CD59: variants seen among roughly 807,000 people sequenced by gnomAD.
The protein encoded by CD59 is CD59 glycoprotein.
In CD59, 3 loss-of-function variants were observed where a neutral mutation model predicts 7.0. The observed-to-expected ratio is 0.43, with a 90% CI of 0.19 to 1.10. The LOEUF (loss-of-function observed/expected upper bound fraction) is 1.10. Ranked by LOEUF, CD59 falls within the 50% of genes least tolerant of loss-of-function variation. The pLI is 0.29. For missense variants in CD59, 143 were observed against 151.0 expected, an observed-to-expected ratio of 0.95 and a Z score of 0.28; for synonymous variants, 60 against 62.0, an observed-to-expected ratio of 0.97 and a Z score of 0.15.
At chr11:33,732,434 T>C (rs577293345) in intron 1 of CD59, among the ~76,000 whole-genome samples, 4 of 152,184 alleles carry the variant, frequency 2.6e-5, no homozygotes, top group African/African-American at 9.6e-5. Flanking sequence ...TGCTTCCCCT[T>C]CTCCACCATG....
At chr11:33,719,928 GAA>G (rs1269860849) in intron 2 of CD59, among the ~76,000 whole-genome samples, 1 of 152,232 alleles carries the variant, frequency 6.6e-6, no homozygotes, top group East Asian at 1.9e-4. Context: ...CGCATGAAAT[GAA>G]AAGAGTCTAA....
chr11:33,705,048 A>G lies in CD59; in HGVS notation c.*5078T>C, dbSNP rs1853254919. On this transcript the variant is annotated 3_prime_UTR_variant, in exon 4 of 4. Coordinates refer to ENST00000642928, the MANE Select transcript of CD59 (RefSeq NM_000611.6). ...ATGTGGTCCTATGTACTTGCAGAGTAAGAATTTAAAAAAATAAACCTGAGA... is the reference window on the plus strand; with the variant it reads ...ATGTGGTCCTATGTACTTGCAGAGTGAGAATTTAAAAAAATAAACCTGAGA... 6.6e-6 allele frequency: 1 copy of G among 152,214 alleles called. No individual in the cohort carries two copies. Among genetic ancestry groups the G allele is most frequent in the Admixed American group, 6.5e-5 (1 of 15,276 alleles). The allele number at this position is 152,214 out of a possible 1,614,324, so 9.4% of individuals were successfully genotyped here.
chr11:33,723,579 A>G (rs1854160084), intron 1 of CD59, among the ~76,000 whole-genome samples: 2 of 152,224 alleles, frequency 1.3e-5, no homozygotes, highest in Admixed American at 1.3e-4. Context: ...AACCAGGAAG[A>G]AAGACAATTG....
At chr11:33,730,593 T>C (rs1473659004) in intron 1 of CD59, among the ~76,000 whole-genome samples, 1 of 152,180 alleles carries the variant, frequency 6.6e-6, no homozygotes, top group African/African-American at 2.4e-5. Context: ...TGAGCTCAAG[T>C]GTTGCAAGGA....
At chr11:33,722,739 C>G in intron 1 of CD59, 1 of 1,194,012 alleles carries the variant, frequency 8.4e-7, no homozygotes, top group Non-Finnish European at 1.1e-6. Flanking sequence ...ACAATATGAG[C>G]AAATTGACTC....
rs1262426345 is a variant in CD59, at chr11:33,708,396, A to G, written c.*1730T>C. The stretch of plus-strand genomic sequence containing the variant: ...AAGCCAATCTCATCCTAGAATCTCA[A>G]TCCTGAGAGAGGCTTCCAAAACTGT... On this transcript the variant is annotated 3_prime_UTR_variant, in exon 4 of 4. Coordinates refer to ENST00000642928, the MANE Select transcript of CD59 (RefSeq NM_000611.6). 6.6e-6 allele frequency: 1 copy of G among 152,050 alleles called. No individual in the cohort carries two copies. The highest frequency in any genetic ancestry group is 2.4e-5 in the African/African-American group (1 of 41,402). The allele number at this position is 152,050 out of a possible 1,614,324, so 9.4% of individuals were successfully genotyped here. A position where few individuals can be genotyped will look rare whatever the true frequency, so the allele number is the denominator to read the frequency against.
At chr11:33,715,915 A>G (rs1853768782) in intron 3 of CD59, among the ~76,000 whole-genome samples, 1 of 152,222 alleles carries the variant, frequency 6.6e-6, no homozygotes, top group Admixed American at 6.5e-5. Flanking sequence ...TTCAACACAT[A>G]GTAATTGCCC....
At chr11:33,711,196 G>A (rs925245436) in intron 3 of CD59, among the ~76,000 whole-genome samples, 1 of 152,126 alleles carries the variant, frequency 6.6e-6, no homozygotes, top group Non-Finnish European at 1.5e-5. Context: ...ACCAGGTGCG[G>A]TGGCTCACAC....
rs1853468878 is a variant in CD59 at position 33,710,034 on chromosome 11, T to C, written c.*92A>G. On this transcript the variant is annotated 3_prime_UTR_variant, in exon 4 of 4. Coordinates refer to ENST00000642928, the MANE Select transcript of CD59 (RefSeq NM_000611.6). ...TTTTATTCTTTCCCAACAGGATCCA[T>C]TTGGAAAATATCAAGCCTTTAGAAT... 1 of 1,024,228 alleles carries C rather than the reference T, an allele frequency of 9.8e-7. No individual in the cohort carries two copies. The highest frequency in any genetic ancestry group is 2.0e-5 in the Admixed American group (1 of 50,460). 63.4% of individuals were successfully genotyped at this position (1,024,228 alleles called of 1,614,324 possible).
intron 1 of CD59, among the ~76,000 whole-genome samples, chr11:33,732,747 G>C (rs1384815975): frequency 1.3e-5 from 2 of 152,190 alleles, no homozygotes; most frequent in African/African-American, 4.8e-5. Context: ...TTGAGGAAGA[G>C]AACTAATTTA....
At chr11:33,729,130 A>G (rs1286589160) in intron 1 of CD59, among the ~76,000 whole-genome samples, 2 of 151,282 alleles carry the variant, frequency 1.3e-5, no homozygotes, top group Non-Finnish European at 3.0e-5. Flanking sequence ...GATCTAGAAC[A>G]TCTGACCCAG....
intron 1 of CD59, among the ~76,000 whole-genome samples, chr11:33,723,853 C>T (rs1017643865): frequency 2.0e-5 from 3 of 152,034 alleles, no homozygotes; most frequent in African/African-American, 4.8e-5. Flanking sequence ...CTGAGGTCCC[C>T]GAACAGAGAG....
At chr11:33,714,558 A>T (rs1229295867) in intron 3 of CD59, among the ~76,000 whole-genome samples, 6 of 152,310 alleles carry the variant, frequency 3.9e-5, no homozygotes, top group Admixed American at 3.3e-4. Context: ...TATTTTAAAA[A>T]ATCAACCCTA....
intron 2 of CD59, among the ~76,000 whole-genome samples, chr11:33,719,930 A>C (rs868401536): frequency 6.6e-5 from 10 of 152,230 alleles, no homozygotes; most frequent in Middle Eastern, 3.2e-3. Flanking sequence ...CATGAAATGA[A>C]AAGAGTCTAA....
chr11:33,711,427 C>T, intron 3 of CD59: 1 of 700,892 alleles, frequency 1.4e-6, no homozygotes, highest in East Asian at 2.7e-5. Flanking sequence ...TGGCTCACAC[C>T]TGTAATCCCA....
chr11:33,730,814 G>A (rs1854395425), intron 1 of CD59, among the ~76,000 whole-genome samples: 3 of 152,138 alleles, frequency 2.0e-5, no homozygotes. Flanking sequence ...ACGCTCCCAA[G>A]AAGCAGAAAA....
chr11:33,710,941 A>G (rs1853523361), intron 3 of CD59, among the ~76,000 whole-genome samples: 3 of 151,940 alleles, frequency 2.0e-5, no homozygotes. Context: ...AAAGTGTTAA[A>G]GAAATTACAA....
intron 1 of CD59, among the ~76,000 whole-genome samples, chr11:33,727,285 C>A (rs1854286351): frequency 6.6e-6 from 1 of 152,158 alleles, no homozygotes; most frequent in African/African-American, 2.4e-5. Flanking sequence ...AAAATACTGG[C>A]AAACTGAATC....
At chr11:33,735,625 A>C (rs1482769377) in intron 1 of CD59, among the ~76,000 whole-genome samples, 1 of 152,036 alleles carries the variant, frequency 6.6e-6, no homozygotes, top group Non-Finnish European at 1.5e-5. Context: ...TGTACTTAAA[A>C]CGTCCGTTTC....
Sources: gnomAD v4.1 joint callset for allele counts (sites outside exome capture counted in the v4.1 genomes callset) on GRCh38, gnomAD v4.1.1 for gene constraint, MANE v1.5 for transcripts, NCBI Gene and HGNC (gene_info 2026-07-23, HGNC 2026-07-21) for gene names.